ASXL2: variants seen among roughly 807,000 people sequenced by gnomAD.
ASXL2 encodes ASXL transcriptional regulator 2, also known as putative Polycomb group protein ASXL2.
A neutral mutation model predicts 122.0 loss-of-function variants in ASXL2; 23 were observed. The ratio of observed to expected loss-of-function variants is 0.19; its 90% CI spans 0.14 to 0.27. ASXL2 has a LOEUF of 0.27. ASXL2 is among the 10% of genes least tolerant of loss of function. ASXL2 has a pLI of 1.00. For synonymous variants in ASXL2, 650 were observed against 637.0 expected (o/e 1.02, Z -0.31); for missense variants, 1,518 against 1,713.8 (o/e 0.89, Z 2.02).
chr2:25,806,470 AAGTC>A, intron 3 of ASXL2, 133 bp from the exon 4 acceptor site: 1 of 544,266 alleles, frequency 1.8e-6, no homozygotes, highest in Non-Finnish European at 3.2e-6. Context: ...AAACTATAAG[AAGTC>A]TACCAATATA....
chr2:25,850,831 C>T (rs1425247408), intron 1 of ASXL2, among the ~76,000 whole-genome samples: 1 of 151,992 alleles, frequency 6.6e-6, no homozygotes, highest in Non-Finnish European at 1.5e-5. Flanking sequence ...ATTTGGTTAC[C>T]CGAGGTACAA....
chr2:25,790,514 T>C (rs2088815349), intron 5 of ASXL2, among the ~76,000 whole-genome samples: 1 of 152,166 alleles, frequency 6.6e-6, no homozygotes, highest in Non-Finnish European at 1.5e-5. Flanking sequence ...GTGGTACTTA[T>C]AGAAAAATAA....
At chr2:25,822,831 C>A in intron 3 of ASXL2, 1 of 555,478 alleles carries the variant, frequency 1.8e-6, no homozygotes, top group South Asian at 1.4e-5. Flanking sequence ...TAATTTTGAT[C>A]GTTTCTCTGA....
rs2088593711 is a variant in ASXL2 at position 25,779,175 on chromosome 2, T to C, written c.404-7635A>G. 2.1e-5 allele frequency among the ~76,000 whole-genome samples: 3 copies of C among 145,702 alleles called. No individual in the cohort carries two copies. The South Asian group carries it at 6.8e-4, about 33-fold the overall frequency. Reference sequence around the variant, plus strand: ...TGCGATCTTGGCTCACTGCAACCTCTGCCTCCACTTGATTGGGTTCAATCA... The same window carrying C: ...TGCGATCTTGGCTCACTGCAACCTCCGCCTCCACTTGATTGGGTTCAATCA... On this transcript the variant is annotated intron_variant, in intron 5 of 12. Transcript: ENST00000435504.
chr2:25,857,479 G>A (rs573233629), intron 1 of ASXL2, among the ~76,000 whole-genome samples: 3 of 152,214 alleles, frequency 2.0e-5, no homozygotes, highest in East Asian at 1.9e-4. Context: ...CTTTGCATTC[G>A]TGGAATAAAC....
At chr2:25,841,324 C>T (rs1157243102) in intron 2 of ASXL2, among the ~76,000 whole-genome samples, 1 of 152,032 alleles carries the variant, frequency 6.6e-6, no homozygotes, top group Non-Finnish European at 1.5e-5. Context: ...TGACACATCA[C>T]GGCAGCGAGA....
intron 6 of ASXL2, among the ~76,000 whole-genome samples, chr2:25,771,036 G>C (rs1010472504): frequency 6.6e-6 from 1 of 152,044 alleles, no homozygotes; most frequent in Non-Finnish European, 1.5e-5. Flanking sequence ...AAGAGATTGA[G>C]ACCATCCTGG....
At chr2:25,754,914 T>A (rs1053545730) in intron 10 of ASXL2, among the ~76,000 whole-genome samples, 1 of 151,980 alleles carries the variant, frequency 6.6e-6, no homozygotes, top group African/African-American at 2.4e-5. Context: ...CCCTTCTACA[T>A]AGAATTTCTT....
intron 6 of ASXL2, among the ~76,000 whole-genome samples, chr2:25,770,078 C>T (rs2088419803): frequency 6.6e-6 from 1 of 152,266 alleles, no homozygotes. Flanking sequence ...TAAATTCCTG[C>T]AAGTGCAGTC....
chr2:25,737,639 C>A lies in ASXL2; in HGVS notation c.*4390G>T, dbSNP rs1431001477. ...TGAGGACTCTTACCCACGCCACTCT[C>A]AGATGTATGTTAAACCTCAAGATTC... is the stretch of plus-strand genomic sequence containing the variant. On this transcript the variant is annotated 3_prime_UTR_variant, in exon 13 of 13. Coordinates refer to ENST00000435504, the MANE Select transcript of ASXL2 (RefSeq NM_018263.6). 2 of 152,168 alleles carry A rather than the reference C, an allele frequency of 1.3e-5. No homozygotes were observed. The highest frequency in any genetic ancestry group is 2.9e-5 in the Non-Finnish European group (2 of 68,038). The allele number at this position is 152,168 out of a possible 1,614,324, so 9.4% of individuals were successfully genotyped here.
chr2:25,753,746 G>A, intron 10 of ASXL2, 107 bp from the exon 11 acceptor site: 1 of 808,312 alleles, frequency 1.2e-6, no homozygotes, highest in South Asian at 1.7e-5. Context: ...ACTACCATGT[G>A]AAAGTAACAG....
intron 3 of ASXL2, among the ~76,000 whole-genome samples, chr2:25,818,639 T>C (rs1422985535): frequency 6.6e-6 from 1 of 152,198 alleles, no homozygotes; most frequent in African/African-American, 2.4e-5. Context: ...CATGAGGTCA[T>C]GCTAAGAATA....
chr2:25,751,445 G>C (rs1255918837), intron 11 of ASXL2, among the ~76,000 whole-genome samples: 2 of 152,074 alleles, frequency 1.3e-5, no homozygotes, highest in Non-Finnish European at 2.9e-5. Context: ...ACCAGCCTGT[G>C]CAACAGGGCA....
intron 2 of ASXL2, among the ~76,000 whole-genome samples, chr2:25,843,419 G>GT (rs1388688135): frequency 1.3e-5 from 2 of 151,954 alleles, no homozygotes; most frequent in Non-Finnish European, 2.9e-5. Context: ...GATTACAGGC[G>GT]TGAGCCATTG....
intron 5 of ASXL2, among the ~76,000 whole-genome samples, chr2:25,778,963 A>AG: frequency 6.6e-6 from 1 of 152,296 alleles, no homozygotes; most frequent in African/African-American, 2.4e-5. Flanking sequence ...GGTTACCACT[A>AG]GTTCTAGAAC....
At chr2:25,864,656 C>T (rs1426977946) in intron 1 of ASXL2, among the ~76,000 whole-genome samples, 1 of 151,736 alleles carries the variant, frequency 6.6e-6, no homozygotes, top group South Asian at 2.1e-4. Context: ...ATATCTCAAA[C>T]TTTAGTACTA....
In ASXL2 at chr2:25,771,507, G is replaced by A. The variant is rs540066802; in HGVS notation, c.437C>T (p.Ser146Leu). 1.2e-6 allele frequency: 2 copies of A among 1,613,736 alleles called. No individual in the cohort carries two copies. The highest frequency in any genetic ancestry group is 2.2e-5 in the East Asian group (1 of 44,870). Residue 146 changes from serine to leucine, a missense_variant, in exon 6 of 13, where the codon TCA (serine) becomes TTA (leucine). By Grantham distance (145) the Ser-to-Leu change is moderately radical (BLOSUM62 -2). Coordinates refer to ENST00000435504, the MANE Select transcript of ASXL2 (RefSeq NM_018263.6). ...GACTTTACCTGCTGGAATGGTGGGT[G>A]ATGGGCAGCCTGACTGCGGGGAGGA... is the stretch of plus-strand genomic sequence containing the variant. ...SSSSPQSGCPSPTIPAGKVIS... is the reference protein window; with the variant it reads ...SSSSPQSGCPLPTIPAGKVIS...
At position 25,767,674 on chromosome 2, in the gene ASXL2, T is replaced by A. The variant is rs1353957473; in HGVS notation, c.684A>T (p.Ser228=). 13 of 1,613,418 alleles carry A rather than the reference T, an allele frequency of 8.1e-6. No individual in the cohort carries two copies. Among genetic ancestry groups the A allele is most frequent in the Non-Finnish European group, 3.4e-6 (4 of 1,179,508 alleles). Reference sequence around the variant, plus strand: ...TAACTGAGGAAGAAAAGCTGGAGTTTGAGTTTTGAGGGCTGCCTGTCTGTC... The same window carrying A: ...TAACTGAGGAAGAAAAGCTGGAGTTAGAGTTTTGAGGGCTGCCTGTCTGTC... ...SDGQTGSPQN[S]NSSFSSSVKV... Residue 228 remains serine, a synonymous_variant, in exon 8 of 13, where the codon TCA becomes TCT. Coordinates refer to ENST00000435504, the MANE Select transcript of ASXL2 (RefSeq NM_018263.6).
intron 8 of ASXL2, among the ~76,000 whole-genome samples, chr2:25,766,240 T>TC (rs2088348558): frequency 1.3e-5 from 2 of 152,182 alleles, no homozygotes; most frequent in Non-Finnish European, 2.9e-5. Flanking sequence ...TTCGAGATCT[T>TC]TAAAAAAAAA....
Sources: allele counts gnomAD v4.1 joint callset (sites outside exome capture counted in the v4.1 genomes callset), GRCh38; gene constraint gnomAD v4.1.1; transcripts MANE v1.5; gene names NCBI Gene and HGNC (gene_info 2026-07-23, HGNC 2026-07-21).